The following ANK1 variants were observed in gnomAD, a reference collection of about 807,000 sequenced individuals.
The protein encoded by ANK1 is ankyrin 1.
In ANK1, 51 loss-of-function variants were observed where a neutral mutation model predicts 210.4. The observed-to-expected ratio is 0.24, with a 90% CI of 0.19 to 0.31. ANK1 has a LOEUF of 0.31. Among genes scored for constraint, ANK1 ranks in the 10% least tolerant of loss-of-function variants. The pLI, the probability that ANK1 is intolerant of heterozygous loss-of-function variation, is 1.00. For missense variants in ANK1, 2,051 were observed against 2,504.4 expected (o/e 0.82, Z 3.86); for synonymous variants, 967 against 1,025.9 (o/e 0.94, Z 1.10).
intron 1 of ANK1, among the ~76,000 whole-genome samples, chr8:41,876,693 C>T (rs551983735): frequency 2.5e-4 from 38 of 152,332 alleles, no homozygotes; most frequent in African/African-American, 8.4e-4. Flanking sequence ...AATCCCCTGA[C>T]CCGATCCTAA....
In ANK1 at chr8:41,891,957, A is replaced by G. The variant is rs887980736; in HGVS notation, c.126+4398T>C. ...AATATCCATTAATGCCACAACATAC[A>G]TTAGTGAAATGGTTTAGCAACAGGA... On this transcript the variant is annotated intron_variant, in intron 1 of 42. Coordinates refer to the ANK1 transcript ENST00000265709. Among the ~76,000 whole-genome samples the G allele has an allele frequency of 4.6e-5, 7 of 152,246 alleles. No homozygotes were observed. In the South Asian group the frequency reaches 1.4e-3, roughly 32 times the overall value.
intron 10 of ANK1, among the ~76,000 whole-genome samples, chr8:41,718,473 T>C (rs1828335545): frequency 6.6e-6 from 1 of 152,244 alleles, no homozygotes; most frequent in African/African-American, 2.4e-5. Context: ...TTTATTCATA[T>C]TTTGGATGCA....
intron 15 of ANK1, among the ~76,000 whole-genome samples, chr8:41,714,499 A>G (rs966561144): frequency 6.6e-6 from 1 of 152,088 alleles, no homozygotes; most frequent in Non-Finnish European, 1.5e-5. Flanking sequence ...GGTCTTTCCA[A>G]AAGGATAAGG....
Position 41,723,561 on chromosome 8 carries a change from C to G in ANK1, c.784G>C (p.Gly262Arg). 1.2e-6 allele frequency: 2 copies of G among 1,614,038 alleles called. No homozygotes were observed. Among genetic ancestry groups the G allele is most frequent in the Non-Finnish European group, 1.7e-6 (2 of 1,179,974 alleles). The change falls in exon 8 of 43, where the codon GGA becomes CGA. Residue 262 changes from glycine (G) to arginine (R), a missense_variant. Coordinates refer to ENST00000289734, the MANE Select transcript of ANK1 (RefSeq NM_000037.4). ...VIMVRLLLDRGAQIETKTKDE... is the reference protein window; with the variant it reads ...VIMVRLLLDRRAQIETKTKDE... ...TTGGTCTTGGTTTCTATCTGGGCTC[C>G]CCGATCCAGCAGCAGCCGCACCATG...
chr8:41,873,861 C>T (rs945532476), intron 1 of ANK1, among the ~76,000 whole-genome samples: 3 of 152,202 alleles, frequency 2.0e-5, no homozygotes, highest in Non-Finnish European at 4.4e-5. Flanking sequence ...CTGCCTTATA[C>T]GTTGAACCAA....
At chr8:41,758,280 G>A in intron 1 of ANK1, 143 bp from the exon 2 acceptor site, 1 of 772,528 alleles carries the variant, frequency 1.3e-6, no homozygotes. Flanking sequence ...GTGTGCACAG[G>A]AGCCTGAGAG....
intron 2 of ANK1, among the ~76,000 whole-genome samples, chr8:41,751,059 G>A (rs930020681): frequency 4.6e-5 from 7 of 152,124 alleles, no homozygotes; most frequent in African/African-American, 9.7e-5. Flanking sequence ...GACACAGGCC[G>A]GCACTGCTCT....
At chr8:41,783,079 G>A (rs1219057858) in intron 1 of ANK1, among the ~76,000 whole-genome samples, 1 of 152,180 alleles carries the variant, frequency 6.6e-6, no homozygotes, top group Non-Finnish European at 1.5e-5. Context: ...GAAATTAGAC[G>A]ACATTTGGAT....
chr8:41,749,367 G>A (rs1316255371), intron 2 of ANK1, among the ~76,000 whole-genome samples: 5 of 136,420 alleles, frequency 3.7e-5, no homozygotes, highest in Non-Finnish European at 7.6e-5. Context: ...GCACAATCTC[G>A]GCTCACTGCA....
intron 35 of ANK1, 37 bp downstream of exon 35, chr8:41,688,119 G>T: frequency 6.3e-7 from 1 of 1,599,720 alleles, no homozygotes; most frequent in Non-Finnish European, 8.6e-7. Context: ...TAGGTGAGAT[G>T]GACAAAGTGC....
At chr8:41,819,994 C>G (rs888865689) in intron 1 of ANK1, among the ~76,000 whole-genome samples, 2 of 152,210 alleles carry the variant, frequency 1.3e-5, no homozygotes, top group East Asian at 3.8e-4. Context: ...TGATCCCGCC[C>G]TGGGAGTCTC....
intron 1 of ANK1, among the ~76,000 whole-genome samples, chr8:41,795,262 C>T (rs980350176): frequency 4.6e-5 from 7 of 152,054 alleles, no homozygotes; most frequent in Non-Finnish European, 1.0e-4. Flanking sequence ...CCTGTAATGC[C>T]GGCACTTTGG....
At chr8:41,896,568 G>A in exon 1 of ANK1, 1 of 1,490,758 alleles carries the variant, frequency 6.7e-7, no homozygotes, top group East Asian at 2.7e-5. Flanking sequence ...GGGGAAGGGG[G>A]TCTCTGCTCC....
chr8:41,874,305 C>CT, intron 1 of ANK1, among the ~76,000 whole-genome samples: 1 of 152,238 alleles, frequency 6.6e-6, no homozygotes, highest in East Asian at 1.9e-4. Flanking sequence ...AGCCACTAAT[C>CT]TGAAAGGCCT....
intron 1 of ANK1, among the ~76,000 whole-genome samples, chr8:41,773,538 T>C (rs576805662): frequency 6.6e-6 from 1 of 152,312 alleles, no homozygotes; most frequent in African/African-American, 2.4e-5. Flanking sequence ...CTCTTTGGCA[T>C]GGCTTTGGTG....
chr8:41,696,849 T>C lies in ANK1; in HGVS notation c.2638-76A>G, dbSNP rs563344710. On this transcript the variant is annotated intron_variant, in intron 24 of 42. Coordinates refer to ENST00000289734, the MANE Select transcript of ANK1 (RefSeq NM_000037.4). Reference sequence around the variant, plus strand: ...GATGCCGTGCCAGGGCGTGGAGGCTTGGAAGAACCTTGCCGCTAGAAACCA... The same window carrying C: ...GATGCCGTGCCAGGGCGTGGAGGCTCGGAAGAACCTTGCCGCTAGAAACCA... 4.3e-6 allele frequency: 6 copies of C among 1,380,024 alleles called. No individual in the cohort carries two copies. The South Asian group carries it at 4.9e-5, about 11-fold the overall frequency. 85.5% of individuals were successfully genotyped at this position (1,380,024 alleles called of 1,614,324 possible).
At chr8:41,863,875 C>A (rs1163321552) in intron 1 of ANK1, among the ~76,000 whole-genome samples, 1 of 152,116 alleles carries the variant, frequency 6.6e-6, no homozygotes, top group Non-Finnish European at 1.5e-5. Context: ...GCTCTAAGGG[C>A]CAGTTTGTGG....
intron 5 of ANK1, 149 bp downstream of exon 5, chr8:41,727,101 G>A (rs1830903082): frequency 1.4e-6 from 1 of 718,620 alleles, no homozygotes; most frequent in African/African-American, 1.7e-5. Flanking sequence ...TGCAGAACCT[G>A]ACAGCACTCT....
chr8:41,790,068 A>G (rs541355825), intron 1 of ANK1, among the ~76,000 whole-genome samples: 2 of 151,834 alleles, frequency 1.3e-5, no homozygotes, highest in African/African-American at 4.8e-5. Flanking sequence ...TAAGTCCCAC[A>G]TCACTCACCA....
Sources: allele counts gnomAD v4.1 joint callset (sites outside exome capture counted in the v4.1 genomes callset), GRCh38; gene constraint gnomAD v4.1.1; transcripts MANE v1.5; gene names NCBI Gene and HGNC (gene_info 2026-07-23, HGNC 2026-07-21).